DLG2: variants seen among roughly 807,000 people sequenced by gnomAD.
The protein encoded by DLG2 is disks large homolog 2.
Under a neutral mutation model 132.5 loss-of-function variants are expected in DLG2, and 45 were observed. The observed-to-expected ratio is 0.34, with a 90% confidence interval of 0.27 to 0.44. The LOEUF (loss-of-function observed/expected upper bound fraction) is 0.44. Among genes scored for constraint, DLG2 ranks in the 20% least tolerant of loss-of-function variants. The pLI is 1.00. For missense variants in DLG2, 1,045 were observed against 1,196.9 expected, an observed-to-expected ratio of 0.87 and a Z score of 1.87; for synonymous variants, 424 against 419.6, an observed-to-expected ratio of 1.01 and a Z score of -0.13.
At position 84,312,628 on chromosome 11, in the gene DLG2, ACT is replaced by A. The variant is rs141962684; in HGVS notation, c.520-61339_520-61338del. On this transcript the variant is annotated intron_variant, in intron 7 of 27. Coordinates refer to ENST00000376104, the MANE Select transcript of DLG2 (RefSeq NM_001142699.3). ...TGCATTCATTGTGGTTATCTGCAGC[ACT>A]CTCTGAAATTTTGCTTCGCTTCTAA... Among the ~76,000 whole-genome samples, 843 of 152,006 alleles carry A rather than the reference ACT, an allele frequency of 5.5e-3. 13 individuals are homozygous for A. The highest frequency in any genetic ancestry group is 0.02 in the African/African-American group (812 of 41,434).
At chr11:84,486,827 T>C (rs2099152272) in intron 7 of DLG2, among the ~76,000 whole-genome samples, 2 of 152,144 alleles carry the variant, frequency 1.3e-5, no homozygotes, top group African/African-American at 2.4e-5. Context: ...GTATCAAACA[T>C]TGAACATATA....
intron 10 of DLG2, among the ~76,000 whole-genome samples, chr11:84,069,653 G>A (rs1429676190): frequency 6.6e-6 from 1 of 152,108 alleles, no homozygotes; most frequent in Non-Finnish European, 1.5e-5. Flanking sequence ...CCCTCTATTT[G>A]CCACTTCATT....
intron 3 of DLG2, among the ~76,000 whole-genome samples, chr11:85,590,683 G>A (rs2079264393): frequency 6.6e-6 from 1 of 150,622 alleles, no homozygotes; most frequent in Non-Finnish European, 1.5e-5. Context: ...CCTGAAAGTA[G>A]TTCAACAACA....
intron 3 of DLG2, among the ~76,000 whole-genome samples, chr11:85,338,554 G>A (rs774616771): frequency 2.0e-5 from 3 of 151,500 alleles, no homozygotes; most frequent in Non-Finnish European, 4.4e-5. Flanking sequence ...GTGTGTGAAG[G>A]GTATCTGAAA....
chr11:84,287,175 G>T (rs575764200), intron 7 of DLG2, among the ~76,000 whole-genome samples: 1 of 152,088 alleles, frequency 6.6e-6, no homozygotes, highest in Non-Finnish European at 1.5e-5. Context: ...GTAAATAAAA[G>T]TATTTGGTGT....
intron 6 of DLG2, among the ~76,000 whole-genome samples, chr11:84,746,246 G>GA (rs2065342661): frequency 8.0e-6 from 1 of 125,428 alleles, no homozygotes; most frequent in East Asian, 2.2e-4. Flanking sequence ...AACAAGATAT[G>GA]AAAAGAAAAA....
At chr11:84,350,139 A>G (rs2098556489) in intron 7 of DLG2, among the ~76,000 whole-genome samples, 1 of 148,624 alleles carries the variant, frequency 6.7e-6, no homozygotes, top group African/African-American at 2.5e-5. Flanking sequence ...GATTGCGCCA[A>G]GGCACTCCAG....
chr11:84,464,828 G>A (rs1430951), intron 7 of DLG2, among the ~76,000 whole-genome samples: 60,792 of 150,858 alleles, frequency 0.4, 16,149 homozygotes, highest in African/African-American at 0.76. Flanking sequence ...ATACAAATAT[G>A]TAGTAATTAA....
At chr11:83,599,147 C>G (rs2058105823) in intron 19 of DLG2, among the ~76,000 whole-genome samples, 1 of 152,220 alleles carries the variant, frequency 6.6e-6, no homozygotes, top group South Asian at 2.1e-4. Context: ...ACTTGACATG[C>G]TTGCTTAATA....
At chr11:84,831,053 C>G (rs183017238) in intron 6 of DLG2, among the ~76,000 whole-genome samples, 1 of 140,486 alleles carries the variant, frequency 7.1e-6, no homozygotes, top group African/African-American at 2.6e-5. Flanking sequence ...AAAGGGGCAA[C>G]AGATCTCCTA....
chr11:85,534,932 C>T (rs1019239480), intron 3 of DLG2, among the ~76,000 whole-genome samples: 6 of 152,180 alleles, frequency 3.9e-5, no homozygotes, highest in Non-Finnish European at 8.8e-5. Context: ...TCCACAAGGG[C>T]TAAACTAATT....
At chr11:83,712,743 T>C (rs146243289) in intron 18 of DLG2, among the ~76,000 whole-genome samples, 151 of 152,248 alleles carry the variant, frequency 9.9e-4, no homozygotes, top group African/African-American at 3.4e-3. Context: ...TTCTCACTTA[T>C]AAGTGGGAGC....
At chr11:84,286,754 GA>G (rs1567181849) in intron 7 of DLG2, among the ~76,000 whole-genome samples, 1 of 152,176 alleles carries the variant, frequency 6.6e-6, no homozygotes, top group East Asian at 1.9e-4. Context: ...ATGCTGTTGA[GA>G]GGTAAATTTG....
intron 9 of DLG2, among the ~76,000 whole-genome samples, chr11:84,153,859 G>A (rs897048131): frequency 6.6e-6 from 1 of 152,126 alleles, no homozygotes. Flanking sequence ...AACTATTGTT[G>A]GGAAGCTGTT....
intron 4 of DLG2, among the ~76,000 whole-genome samples, chr11:85,264,378 C>T (rs1232083865): frequency 1.3e-5 from 2 of 152,154 alleles, no homozygotes; most frequent in African/African-American, 2.4e-5. Context: ...TGGTGAAATA[C>T]TTTCCTTTTC....
chr11:84,442,867 T>C (rs2099021756), intron 7 of DLG2, among the ~76,000 whole-genome samples: 1 of 152,146 alleles, frequency 6.6e-6, no homozygotes, highest in Admixed American at 6.5e-5. Context: ...AGTGCTAATG[T>C]ATATTAAAAA....
chr11:84,923,311 T>C, intron 6 of DLG2: 1 of 1,423,398 alleles, frequency 7.0e-7, no homozygotes, highest in South Asian at 1.5e-5. Context: ...CAAAATCTCT[T>C]CATTGGCTAT....
intron 6 of DLG2, among the ~76,000 whole-genome samples, chr11:84,914,067 T>C (rs1393075035): frequency 6.6e-6 from 1 of 152,236 alleles, no homozygotes; most frequent in Admixed American, 6.5e-5. Context: ...TAAATAAATG[T>C]ATGTGTACCT....
chr11:85,078,726 A>G (rs913089812), intron 6 of DLG2, among the ~76,000 whole-genome samples: 2 of 152,082 alleles, frequency 1.3e-5, no homozygotes, highest in African/African-American at 2.4e-5. Context: ...AATTTTTCAA[A>G]GAGGTAGGAA....
Sources: gnomAD v4.1 joint callset for allele counts (sites outside exome capture counted in the v4.1 genomes callset) on GRCh38, gnomAD v4.1.1 for gene constraint, MANE v1.5 for transcripts, NCBI Gene and HGNC (gene_info 2026-07-23, HGNC 2026-07-21) for gene names.